Variants in HRH2 observed in about 807,000 individuals in gnomAD.
HRH2 encodes the protein histamine H2 receptor.
Under a neutral mutation model 20.1 loss-of-function variants are expected in HRH2, and 4 were observed. The ratio of observed to expected loss-of-function variants is 0.20; its 90% confidence interval spans 0.10 to 0.45. HRH2 has a LOEUF of 0.45. Among genes scored for constraint, HRH2 ranks in the 20% least tolerant of loss-of-function variants. The pLI is 0.99. For synonymous variants in HRH2, 197 were observed against 200.7 expected (o/e 0.98, Z 0.16); for missense variants, 250 against 461.6 (o/e 0.54, Z 4.20).
At chr5:175,695,593 G>A (rs1441938362) in intron 2 of HRH2, among the ~76,000 whole-genome samples, 1 of 152,218 alleles carries the variant, frequency 6.6e-6, no homozygotes, top group African/African-American at 2.4e-5. Context: ...AAGGGGAGGG[G>A]TATATGAAGC....
At chr5:175,661,208 A>G (rs538269492) in intron 1 of HRH2, among the ~76,000 whole-genome samples, 2 of 151,966 alleles carry the variant, frequency 1.3e-5, no homozygotes, top group African/African-American at 2.4e-5. Context: ...ATCTTCTAGG[A>G]CCCCACAGTT....
chr5:175,695,772 G>A (rs977612268), intron 2 of HRH2, among the ~76,000 whole-genome samples: 1 of 152,212 alleles, frequency 6.6e-6, no homozygotes, highest in Admixed American at 6.5e-5. Context: ...AAGGAGAAGG[G>A]GCCACCAGCA....
At chr5:175,663,748 A>T (rs1245800151) in intron 1 of HRH2, among the ~76,000 whole-genome samples, 3 of 152,224 alleles carry the variant, frequency 2.0e-5, no homozygotes, top group Admixed American at 2.0e-4. Context: ...TCTCAAGGAC[A>T]CTTCTCCAGC....
At position 175,698,354 on chromosome 5, in the gene HRH2, T is replaced by C. The variant is rs563892131; in HGVS notation, c.1077-9425T>C. ...ATGTCACAGTGGGAGAGAATCATGC[T>C]TTGAAGTTGGATAGCCCTGGGTTCA... On this transcript the variant is annotated intron_variant, in intron 2 of 2. Coordinates refer to ENST00000636584, the MANE Select transcript of HRH2 (RefSeq NM_001367711.1). Among the ~76,000 whole-genome samples the C allele has an allele frequency of 2.0e-5, 3 of 152,328 alleles. No homozygotes were observed. The South Asian group carries it at 6.2e-4, about 32-fold the overall frequency.
intron 2 of HRH2, among the ~76,000 whole-genome samples, chr5:175,697,498 T>C (rs955873848): frequency 2.0e-5 from 3 of 146,818 alleles, no homozygotes; most frequent in Admixed American, 1.4e-4. Context: ...CCCATGAAAA[T>C]TGCCCAGACC....
intron 1 of HRH2, among the ~76,000 whole-genome samples, chr5:175,663,017 C>T (rs1312375323): frequency 6.6e-6 from 1 of 152,200 alleles, no homozygotes; most frequent in Non-Finnish European, 1.5e-5. Context: ...CTTGTTATGG[C>T]TAAATAATAT....
At position 175,680,779 on chromosome 5, in the gene HRH2, GC is replaced by G. The variant is rs1313802982; in HGVS notation, c.-525-1929del. On this transcript the variant is annotated intron_variant, in intron 1 of 2. Transcript: ENST00000636584. ...GGTGACCAGAACTTACGGGAGCTGGGCTTTAAATAGGAATACAGCAGAAGTG... is the reference window on the plus strand; with the variant it reads ...GGTGACCAGAACTTACGGGAGCTGGGTTTAAATAGGAATACAGCAGAAGTG... Among the ~76,000 whole-genome samples the G allele has an allele frequency of 1.1e-4, 16 of 152,292 alleles. No individual in the cohort carries two copies. The East Asian group carries it at 3.1e-3, about 29-fold the overall frequency.
chr5:175,709,316 C>T lies in HRH2; in HGVS notation c.*1345C>T, dbSNP rs1757029372. 2 of 152,284 alleles carry T rather than the reference C, an allele frequency of 1.3e-5. No individual in the cohort carries two copies. The highest frequency in any genetic ancestry group is 4.1e-4 in the South Asian group (2 of 4,828). The allele number at this position is 152,284 out of a possible 1,614,324, so 9.4% of individuals were successfully genotyped here. A position where few individuals can be genotyped will look rare whatever the true frequency, so the allele number is the denominator to read the frequency against. The stretch of plus-strand genomic sequence containing the variant: ...CTCAGTCCAGAGTCCTCTCTTCTCA[C>T]TCAGCATCTCTCCTCCTGTGACCTC... On this transcript the variant is annotated 3_prime_UTR_variant, in exon 3 of 3. Coordinates refer to ENST00000636584, the MANE Select transcript of HRH2 (RefSeq NM_001367711.1).
intron 2 of HRH2, among the ~76,000 whole-genome samples, chr5:175,690,810 C>T (rs1756346412): frequency 1.3e-5 from 2 of 152,226 alleles, no homozygotes; most frequent in African/African-American, 4.8e-5. Flanking sequence ...CATCTGCTTT[C>T]GGCCTCTCTG....
chr5:175,671,502 C>G (rs1437796151), intron 1 of HRH2, among the ~76,000 whole-genome samples: 1 of 152,164 alleles, frequency 6.6e-6, no homozygotes, highest in Non-Finnish European at 1.5e-5. Flanking sequence ...ACAGCTGCTA[C>G]TGATGGTGGA....
At chr5:175,700,568 G>A (rs1271929727) in intron 2 of HRH2, among the ~76,000 whole-genome samples, 3 of 152,144 alleles carry the variant, frequency 2.0e-5, no homozygotes, top group African/African-American at 7.2e-5. Flanking sequence ...GCTGCCCAGA[G>A]GAGATGATAC....
intron 2 of HRH2, 55 bp downstream of exon 2, chr5:175,684,364 T>C: frequency 1.9e-6 from 3 of 1,574,306 alleles, no homozygotes; most frequent in South Asian, 2.3e-5. Flanking sequence ...GGGATGCTAC[T>C]GATGGGAATG....
intron 1 of HRH2, among the ~76,000 whole-genome samples, chr5:175,675,933 C>A (rs1755741580): frequency 6.6e-6 from 1 of 152,230 alleles, no homozygotes; most frequent in African/African-American, 2.4e-5. Flanking sequence ...AGGCAGCCAT[C>A]CCTACCCTCT....
At position 175,685,000 on chromosome 5, in the gene HRH2, G is replaced by A. The variant is rs1355490755; in HGVS notation, c.1076+691G>A. 2.6e-5 allele frequency among the ~76,000 whole-genome samples: 4 copies of A among 152,138 alleles called. No individual in the cohort carries two copies. The East Asian group carries it at 7.7e-4, about 29-fold the overall frequency. On this transcript the variant is annotated intron_variant, in intron 2 of 2. Transcript: ENST00000636584. ...GGTACCCCTAAGATGTGGACCAGAG[G>A]ATGAGACTGTAGACGAGGGGGTTGT...
Position 175,708,204 on chromosome 5 carries a change from C to A in HRH2, c.*233C>A, listed in dbSNP as rs537167632. 7 of 366,526 alleles carry A rather than the reference C, an allele frequency of 1.9e-5. No homozygotes were observed. In the South Asian group the frequency reaches 7.4e-4, roughly 39 times the overall value. The allele number at this position is 366,526 out of a possible 1,614,324, so 22.7% of individuals were successfully genotyped here. On this transcript the variant is annotated 3_prime_UTR_variant, in exon 3 of 3. Coordinates refer to ENST00000636584, the MANE Select transcript of HRH2 (RefSeq NM_001367711.1). ...TCCTCTGGGCCCGAGTGGGCTGAATCCCATGGGTTCAAAGCTCACGTTGGT... is the reference window on the plus strand; with the variant it reads ...TCCTCTGGGCCCGAGTGGGCTGAATACCATGGGTTCAAAGCTCACGTTGGT...
chr5:175,683,117 A>C lies in HRH2; in HGVS notation c.-117A>C. On this transcript the variant is annotated 5_prime_UTR_variant, in exon 2 of 3. Transcript: ENST00000636584. ...AAAAAAAAAAAAAAAAAAAAACTGG[A>C]CACATTTTGGATCTGTTGGGAGCTT... The C allele has an allele frequency of 1.3e-5, 12 of 937,172 alleles. No individual in the cohort carries two copies. The highest frequency in any genetic ancestry group is 1.8e-5 in the South Asian group (1 of 54,232). 58.1% of individuals were successfully genotyped at this position (937,172 alleles called of 1,614,324 possible).
rs1468918392 is a variant in HRH2 at position 175,682,887 on chromosome 5, G to C, written c.-347G>C. 1.6e-5 allele frequency: 4 copies of C among 255,106 alleles called. No homozygotes were observed. In the East Asian group the frequency reaches 3.4e-4, roughly 22 times the overall value. 15.8% of individuals were successfully genotyped at this position (255,106 alleles called of 1,614,324 possible). A position where few individuals can be genotyped will look rare whatever the true frequency, so the allele number is the denominator to read the frequency against. ...GATTCTATGCAAAACCTGGGAAGCG[G>C]AGACCTACCCCAGCCCCGGGAGGAA... On this transcript the variant is annotated 5_prime_UTR_variant, in exon 2 of 3. Coordinates refer to ENST00000636584, the MANE Select transcript of HRH2 (RefSeq NM_001367711.1).
intron 1 of HRH2, among the ~76,000 whole-genome samples, chr5:175,664,780 G>A (rs973551215): frequency 5.3e-5 from 8 of 152,120 alleles, no homozygotes; most frequent in African/African-American, 1.9e-4. Context: ...GGCTACAGGA[G>A]AGCCCCACCA....
intron 2 of HRH2, among the ~76,000 whole-genome samples, chr5:175,689,665 T>C (rs932037209): frequency 6.6e-6 from 1 of 152,216 alleles, no homozygotes; most frequent in Non-Finnish European, 1.5e-5. Context: ...CTCCAAATAC[T>C]GGCATCAGAG....
Sources: gnomAD v4.1 joint callset for allele counts (sites outside exome capture counted in the v4.1 genomes callset) on GRCh38, gnomAD v4.1.1 for gene constraint, MANE v1.5 for transcripts, NCBI Gene and HGNC (gene_info 2026-07-23, HGNC 2026-07-21) for gene names.